SGCD: variants seen among roughly 807,000 people sequenced by gnomAD.
SGCD encodes the protein delta-sarcoglycan.
Under a neutral mutation model 36.6 loss-of-function variants are expected in SGCD, and 18 were observed. The ratio of observed to expected loss-of-function variants is 0.49; its 90% CI spans 0.34 to 0.73. The LOEUF is 0.73. SGCD is among the 30% of genes least tolerant of loss of function. The probability of loss-of-function intolerance (pLI) is 0.01; values close to 1 mark genes in which losing one functional copy is unlikely to be tolerated. For missense variants in SGCD, 387 were observed against 346.7 expected, an observed-to-expected ratio of 1.12 and a Z score of -0.92; for synonymous variants, 133 against 130.6, an observed-to-expected ratio of 1.02 and a Z score of -0.12.
At chr5:156,015,868 T>G (rs1378289618) in intron 1 of SGCD, among the ~76,000 whole-genome samples, 1 of 149,696 alleles carries the variant, frequency 6.7e-6, no homozygotes, top group East Asian at 1.9e-4. Flanking sequence ...ATATATAATA[T>G]ATGTAATTAT....
chr5:156,053,523 A>C (rs1759975349), intron 1 of SGCD, among the ~76,000 whole-genome samples: 1 of 146,112 alleles, frequency 6.8e-6, no homozygotes, highest in Non-Finnish European at 1.5e-5. Flanking sequence ...TTAGAAGATA[A>C]AATTAAGAAT....
intron 3 of SGCD, among the ~76,000 whole-genome samples, chr5:156,348,316 GTC>G (rs564647369): frequency 1.2e-3 from 190 of 152,206 alleles, no homozygotes; most frequent in African/African-American, 4.3e-3. Context: ...AAGTCAAACT[GTC>G]TCTGTTTGCC....
At chr5:156,678,754 A>G (rs1032864270) in intron 7 of SGCD, among the ~76,000 whole-genome samples, 5 of 152,228 alleles carry the variant, frequency 3.3e-5, no homozygotes, top group Non-Finnish European at 7.3e-5. Context: ...AGTATACGTG[A>G]GCAATTGAGA....
intron 1 of SGCD, among the ~76,000 whole-genome samples, chr5:156,054,446 T>C (rs1158796878): frequency 6.9e-6 from 1 of 144,746 alleles, no homozygotes; most frequent in South Asian, 2.2e-4. Flanking sequence ...CCACCACGCC[T>C]GGCTAATTTT....
chr5:156,611,265 T>C (rs73299173), intron 6 of SGCD, among the ~76,000 whole-genome samples: 5,422 of 152,314 alleles, frequency 0.036, 323 homozygotes, highest in African/African-American at 0.12. Flanking sequence ...TTCTTTCATT[T>C]CCAGGTGTGG....
At chr5:155,875,965 G>A (rs1179296515) in intron 1 of SGCD, among the ~76,000 whole-genome samples, 1 of 151,348 alleles carries the variant, frequency 6.6e-6, no homozygotes, top group East Asian at 1.9e-4. Context: ...AATTGGGTCT[G>A]TTCATCTCCA....
chr5:155,978,726 T>A (rs141538871), intron 1 of SGCD, among the ~76,000 whole-genome samples: 301 of 152,242 alleles, frequency 2.0e-3, no homozygotes, highest in Non-Finnish European at 3.3e-3. Context: ...TCTTCAAACC[T>A]ATAAATATAC....
chr5:155,968,667 A>G (rs1385844684), intron 1 of SGCD, among the ~76,000 whole-genome samples: 1 of 152,112 alleles, frequency 6.6e-6, no homozygotes, highest in Non-Finnish European at 1.5e-5. Flanking sequence ...GGTTTCAGGC[A>G]TCTACTGGGG....
At chr5:156,114,849 A>G (rs762141067) in intron 1 of SGCD, among the ~76,000 whole-genome samples, 11 of 151,950 alleles carry the variant, frequency 7.2e-5, no homozygotes, top group Admixed American at 2.0e-4. Context: ...TCTTACACAT[A>G]TTTTTTGCGT....
chr5:155,817,228 G>C, the SGCD span, among the ~76,000 whole-genome samples: 1 of 152,046 alleles, frequency 6.6e-6, no homozygotes, highest in African/African-American at 2.4e-5. Context: ...AATGAATACT[G>C]CTGTACATAC....
At chr5:156,217,035 G>A (rs1764593855) in intron 3 of SGCD, among the ~76,000 whole-genome samples, 1 of 152,120 alleles carries the variant, frequency 6.6e-6, no homozygotes, top group Non-Finnish European at 1.5e-5. Context: ...CCCAGATCGT[G>A]CCACTGCACT....
Position 156,333,783 on chromosome 5 carries a change from A to ATTTTTTTTTTTTT in SGCD, c.3+4229_3+4241dup, listed in dbSNP as rs70984404. On this transcript the variant is annotated intron_variant, in intron 2 of 8. Transcript: ENST00000337851. ...GTGCTTTCTTTATGTTAGAAAAGTGATTTTTTTTTTTTTTTTTTTTTTTTT... is the reference window on the plus strand; with the variant it reads ...GTGCTTTCTTTATGTTAGAAAAGTGATTTTTTTTTTTTTTTTTTTTTTTTTTTTTTTTTTTTTT... Among the ~76,000 whole-genome samples, 47 of 19,964 alleles carry ATTTTTTTTTTTTT rather than the reference A, an allele frequency of 2.4e-3. 10 individuals carry two copies. Among genetic ancestry groups the ATTTTTTTTTTTTT allele is most frequent in the Non-Finnish European group, 3.2e-3 (33 of 10,474 alleles). The allele number at this position is 19,964 out of a possible 152,430, so 13.1% of individuals were successfully genotyped here.
intron 1 of SGCD, among the ~76,000 whole-genome samples, chr5:156,045,296 A>T (rs1314439200): frequency 6.6e-6 from 1 of 152,152 alleles, no homozygotes; most frequent in Non-Finnish European, 1.5e-5. Flanking sequence ...TCACATACAC[A>T]TATACCTGTA....
chr5:156,010,663 A>G (rs1487696041), intron 1 of SGCD, among the ~76,000 whole-genome samples: 1 of 152,198 alleles, frequency 6.6e-6, no homozygotes, highest in African/African-American at 2.4e-5. Context: ...AGTGCTCTAC[A>G]TATATTATCT....
At chr5:156,448,608 AACTT>A (rs922861110) in intron 3 of SGCD, among the ~76,000 whole-genome samples, 6 of 152,074 alleles carry the variant, frequency 3.9e-5, no homozygotes, top group African/African-American at 7.2e-5. Flanking sequence ...TATACATATA[AACTT>A]ACTTACCCTC....
chr5:156,561,613 A>G (rs1174905993), intron 4 of SGCD, among the ~76,000 whole-genome samples: 1 of 152,236 alleles, frequency 6.6e-6, no homozygotes, highest in African/African-American at 2.4e-5. Flanking sequence ...TTCTGAAGGT[A>G]GAAATAATCA....
chr5:155,764,726 A>G, the SGCD span, among the ~76,000 whole-genome samples: 1 of 152,074 alleles, frequency 6.6e-6, no homozygotes, highest in East Asian at 1.9e-4. Flanking sequence ...CATGGAAGTG[A>G]GTGTTTTCTG....
intron 5 of SGCD, among the ~76,000 whole-genome samples, chr5:156,591,679 C>T (rs915599745): frequency 6.6e-6 from 1 of 152,136 alleles, no homozygotes; most frequent in Non-Finnish European, 1.5e-5. Context: ...CACACATAGA[C>T]TACACAGAGG....
chr5:156,684,555 C>T (rs1023348871), intron 7 of SGCD, among the ~76,000 whole-genome samples: 5 of 152,210 alleles, frequency 3.3e-5, no homozygotes, highest in Admixed American at 6.5e-5. Flanking sequence ...CTTTGGGTCT[C>T]AGTTTAGATA....
Sources: allele counts gnomAD v4.1 joint callset (sites outside exome capture counted in the v4.1 genomes callset), GRCh38; gene constraint gnomAD v4.1.1; transcripts MANE v1.5; gene names NCBI Gene and HGNC (gene_info 2026-07-23, HGNC 2026-07-21).